Variants in AGBL1 observed in about 807,000 individuals in gnomAD.
AGBL1 encodes the protein AGBL carboxypeptidase 1, also known as cytosolic carboxypeptidase 4.
In AGBL1, 130 loss-of-function variants were observed where a neutral mutation model predicts 118.9. That is an observed-to-expected ratio of 1.09 (90% CI 0.95 to 1.26). AGBL1 has a LOEUF of 1.26. AGBL1 is among the 50% of genes most tolerant of loss of function. The pLI is 0.00. For synonymous variants in AGBL1, 555 were observed against 478.9 expected (o/e 1.16, Z -2.08); for missense variants, 1,584 against 1,298.1 (o/e 1.22, Z -3.38).
intron 1 of AGBL1, among the ~76,000 whole-genome samples, chr15:86,129,681 G>T (rs967042073): frequency 9.9e-5 from 15 of 152,078 alleles, no homozygotes; most frequent in Admixed American, 9.8e-4. Context: ...TAGAGACCAG[G>T]AATACTGCTA....
chr15:86,534,540 A>G (rs79916692), intron 19 of AGBL1, among the ~76,000 whole-genome samples: 166 of 152,290 alleles, frequency 1.1e-3, no homozygotes, highest in African/African-American at 3.9e-3. Context: ...TTCATTTGAT[A>G]TCACACAGAC....
rs764783409 is a variant in AGBL1, at chr15:86,634,831, C to T, written c.2995-39442C>T. Among the ~76,000 whole-genome samples the T allele has an allele frequency of 1.3e-4, 20 of 152,048 alleles. 1 individual carries two copies. Among genetic ancestry groups the T allele is most frequent in the South Asian group, 2.1e-4 (1 of 4,818 alleles). On this transcript the variant is annotated intron_variant, in intron 21 of 22. Transcript: ENST00000614907. ...AAAGACTCTGGCAATAAAAATGTTCCGTTTCATTTGCATTATGTTGCCGCA... is the reference window on the plus strand; with the variant it reads ...AAAGACTCTGGCAATAAAAATGTTCTGTTTCATTTGCATTATGTTGCCGCA...
intron 1 of AGBL1, among the ~76,000 whole-genome samples, chr15:86,124,337 A>G (rs1186091654): frequency 6.6e-6 from 1 of 151,420 alleles, no homozygotes; most frequent in Non-Finnish European, 1.5e-5. Context: ...CTCAAAAAAA[A>G]AAAAAAAAAA....
intron 3 of AGBL1, among the ~76,000 whole-genome samples, chr15:86,145,730 C>T (rs2077024778): frequency 6.6e-6 from 1 of 152,182 alleles, no homozygotes; most frequent in South Asian, 2.1e-4. Context: ...ATATTTACTG[C>T]ATGTCTCCTA....
intron 17 of AGBL1, among the ~76,000 whole-genome samples, chr15:86,344,026 A>C (rs1319685786): frequency 1.3e-5 from 2 of 152,202 alleles, no homozygotes; most frequent in Non-Finnish European, 2.9e-5. Context: ...CCTGGCGGTA[A>C]ATTTCCCTCA....
intron 20 of AGBL1, 93 bp from the exon 21 acceptor site, chr15:86,554,268 A>G: frequency 1.8e-6 from 2 of 1,093,620 alleles, no homozygotes; most frequent in African/African-American, 1.6e-5. Context: ...TATTTTATAT[A>G]TAGATGCTTA....
At chr15:86,324,282 A>G (rs1219424684) in intron 17 of AGBL1, among the ~76,000 whole-genome samples, 1 of 152,188 alleles carries the variant, frequency 6.6e-6, no homozygotes. Context: ...TAAAGAAGGG[A>G]GCTTAAAACT....
intron 22 of AGBL1, among the ~76,000 whole-genome samples, chr15:86,899,149 C>T (rs1355143197): frequency 1.3e-5 from 2 of 152,056 alleles, no homozygotes; most frequent in South Asian, 2.1e-4. Flanking sequence ...AAATGCCCAT[C>T]GATGATAGAC....
intron 22 of AGBL1, among the ~76,000 whole-genome samples, chr15:86,784,530 A>C (rs1365899956): frequency 6.6e-6 from 1 of 152,184 alleles, no homozygotes; most frequent in Non-Finnish European, 1.5e-5. Flanking sequence ...CCTTGGGTTC[A>C]TGATTCTGCT....
At chr15:86,480,055 GA>G (rs1395293694) in intron 18 of AGBL1, among the ~76,000 whole-genome samples, 2 of 151,822 alleles carry the variant, frequency 1.3e-5, no homozygotes, top group Admixed American at 1.3e-4. Context: ...TTGAGCACAG[GA>G]AGGGGAACAT....
intron 17 of AGBL1, among the ~76,000 whole-genome samples, chr15:86,342,218 G>A (rs1045632611): frequency 6.6e-5 from 10 of 152,110 alleles, no homozygotes; most frequent in Non-Finnish European, 1.3e-4. Flanking sequence ...CTTTTTACAG[G>A]ATGAACATTT....
At chr15:86,982,714 T>C (rs764772744) in intron 23 of AGBL1, among the ~76,000 whole-genome samples, 1 of 152,244 alleles carries the variant, frequency 6.6e-6, no homozygotes, top group Non-Finnish European at 1.5e-5. Context: ...GGTGATTTTT[T>C]TAATAACATT....
chr15:86,304,709 T>C (rs571984837), intron 17 of AGBL1, among the ~76,000 whole-genome samples: 1 of 152,306 alleles, frequency 6.6e-6, no homozygotes, highest in African/African-American at 2.4e-5. Flanking sequence ...TAGCCACAAA[T>C]GTGCTCATAA....
intron 6 of AGBL1, among the ~76,000 whole-genome samples, chr15:86,226,148 T>A (rs910028485): frequency 6.6e-6 from 1 of 151,996 alleles, no homozygotes; most frequent in South Asian, 2.1e-4. Context: ...GCCCTGGAGA[T>A]AGGAAGGGAT....
At chr15:86,874,775 A>G (rs894043343) in intron 22 of AGBL1, among the ~76,000 whole-genome samples, 17 of 152,232 alleles carry the variant, frequency 1.1e-4, no homozygotes, top group Non-Finnish European at 1.5e-4. Flanking sequence ...GCAGTGGCCC[A>G]GTATATATAA....
chr15:86,117,149 T>C (rs1431063992), intron 1 of AGBL1, among the ~76,000 whole-genome samples: 1 of 152,036 alleles, frequency 6.6e-6, no homozygotes, highest in Non-Finnish European at 1.5e-5. Context: ...GTGAGTGTTC[T>C]GGGGGTCCAC....
intron 20 of AGBL1, among the ~76,000 whole-genome samples, chr15:86,548,384 T>C (rs200766009): frequency 4.6e-5 from 7 of 152,180 alleles, no homozygotes; most frequent in African/African-American, 7.2e-5. Context: ...GTACTACTTC[T>C]AGTTATGTTG....
At chr15:86,737,736 G>T (rs2077621963) in intron 22 of AGBL1, among the ~76,000 whole-genome samples, 1 of 152,100 alleles carries the variant, frequency 6.6e-6, no homozygotes, top group Middle Eastern at 3.2e-3. Context: ...TTCCATAAGG[G>T]AAAATGTGAC....
chr15:86,277,294 G>GTA (rs1308978262), intron 15 of AGBL1, among the ~76,000 whole-genome samples: 5 of 134,704 alleles, frequency 3.7e-5, no homozygotes, highest in African/African-American at 1.5e-4. Flanking sequence ...GAGAGAGTGT[G>GTA]TGTGTGTGCA....
Sources: gnomAD v4.1 joint callset for allele counts (sites outside exome capture counted in the v4.1 genomes callset) on GRCh38, gnomAD v4.1.1 for gene constraint, MANE v1.5 for transcripts, NCBI Gene and HGNC (gene_info 2026-07-23, HGNC 2026-07-21) for gene names.